The following SLC4A5 variants were observed in gnomAD, a reference collection of about 807,000 sequenced individuals.
SLC4A5 encodes the protein solute carrier family 4 member 5.
Under a neutral mutation model 120.4 loss-of-function variants are expected in SLC4A5, and 96 were observed. The ratio of observed to expected loss-of-function variants is 0.80; its 90% CI spans 0.68 to 0.94. The LOEUF is 0.94. Ranked by LOEUF, SLC4A5 falls within the 40% of genes least tolerant of loss-of-function variation. SLC4A5 has a pLI of 0.00. For synonymous variants in SLC4A5, 550 were observed against 571.1 expected (o/e 0.96, Z 0.53); for missense variants, 1,259 against 1,459.5 (o/e 0.86, Z 2.24).
At chr2:74,262,877 C>T (rs1385417234) in intron 10 of SLC4A5, among the ~76,000 whole-genome samples, 1 of 152,124 alleles carries the variant, frequency 6.6e-6, no homozygotes, top group Non-Finnish European at 1.5e-5. Flanking sequence ...CCTCAGGCGT[C>T]TCATCTGTAA....
chr2:74,265,393 C>T, intron 8 of SLC4A5, 129 bp from the exon 9 acceptor site: 1 of 1,092,450 alleles, frequency 9.2e-7, no homozygotes, highest in South Asian at 1.6e-5. Context: ...GTCCCAGACT[C>T]ACAGGCAGAG....
chr2:74,240,970 C>T (rs1045247527), intron 20 of SLC4A5, among the ~76,000 whole-genome samples: 2 of 152,088 alleles, frequency 1.3e-5, no homozygotes, highest in African/African-American at 4.8e-5. Context: ...GCCACTTAGG[C>T]TGGGATGCTG....
chr2:74,242,440 T>C (rs1055113492), intron 19 of SLC4A5, among the ~76,000 whole-genome samples: 1 of 152,264 alleles, frequency 6.6e-6, no homozygotes, highest in Non-Finnish European at 1.5e-5. Context: ...CCATGCCCTA[T>C]GCCAAGCCTT....
intron 28 of SLC4A5, 119 bp downstream of exon 28, chr2:74,224,721 G>T (rs1694780208): frequency 2.1e-6 from 3 of 1,407,494 alleles, no homozygotes; most frequent in Admixed American, 4.5e-5. Context: ...GCCCATCCTG[G>T]ACTGGGCCGA....
At chr2:74,325,776 C>T (rs534327737) in intron 5 of SLC4A5, among the ~76,000 whole-genome samples, 6 of 151,320 alleles carry the variant, frequency 4.0e-5, no homozygotes, top group African/African-American at 1.5e-4. Flanking sequence ...GATCACAGAA[C>T]CAGCCATGGT....
intron 21 of SLC4A5, among the ~76,000 whole-genome samples, chr2:74,237,652 C>T (rs951069446): frequency 1.3e-5 from 2 of 152,086 alleles, no homozygotes; most frequent in African/African-American, 4.8e-5. Flanking sequence ...GTTAAGATGG[C>T]TTTAGGAGAC....
At chr2:74,286,793 T>G (rs1671998530) in intron 7 of SLC4A5, among the ~76,000 whole-genome samples, 1 of 152,094 alleles carries the variant, frequency 6.6e-6, no homozygotes, top group African/African-American at 2.4e-5. Flanking sequence ...AGCTGTGACT[T>G]GAAAAATGAG....
intron 8 of SLC4A5, among the ~76,000 whole-genome samples, chr2:74,271,655 T>C (rs1671478261): frequency 6.6e-6 from 1 of 151,988 alleles, no homozygotes; most frequent in South Asian, 2.1e-4. Context: ...TGTCCCCTTA[T>C]GGTCTCCTGC....
exon 19 of SLC4A5, chr2:74,247,044 G>A (rs774943369): frequency 6.2e-7 from 1 of 1,613,794 alleles, no homozygotes; most frequent in South Asian, 1.1e-5. Context: ...ACCTGTGTCA[G>A]GGGCGACACA....
At chr2:74,265,529 AT>A (rs1319380832) in intron 8 of SLC4A5, among the ~76,000 whole-genome samples, 4 of 152,238 alleles carry the variant, frequency 2.6e-5, no homozygotes, top group Admixed American at 6.5e-5. Flanking sequence ...ATGTTCTAAA[AT>A]TGGATTATGG....
intron 14 of SLC4A5, 131 bp downstream of exon 14, chr2:74,254,488 A>C: frequency 1.4e-6 from 1 of 708,476 alleles, no homozygotes; most frequent in Non-Finnish European, 2.5e-6. Flanking sequence ...CATAATCTTT[A>C]GCATCCTATG....
intron 8 of SLC4A5, among the ~76,000 whole-genome samples, chr2:74,273,741 G>C (rs981741665): frequency 6.6e-6 from 1 of 152,180 alleles, no homozygotes; most frequent in African/African-American, 2.4e-5. Context: ...CTGAAGACCA[G>C]TATTAATTCA....
intron 13 of SLC4A5, among the ~76,000 whole-genome samples, chr2:74,254,980 C>T (rs1214532499): frequency 2.0e-5 from 3 of 151,664 alleles, no homozygotes; most frequent in East Asian, 2.0e-4. Context: ...CCACCAAGCC[C>T]GGCTAATTTT....
intron 8 of SLC4A5, among the ~76,000 whole-genome samples, chr2:74,276,668 C>T (rs75923443): frequency 6.7e-6 from 1 of 150,162 alleles, no homozygotes; most frequent in Non-Finnish European, 1.5e-5. Flanking sequence ...AAGTGTATAT[C>T]TTCATTACTA....
At chr2:74,341,450 A>G (rs535013943) in intron 2 of SLC4A5, among the ~76,000 whole-genome samples, 2 of 152,230 alleles carry the variant, frequency 1.3e-5, no homozygotes, top group Non-Finnish European at 2.9e-5. Flanking sequence ...CATCTGTTAA[A>G]TAACCTTGTA....
At chr2:74,307,323 C>T (rs1489969158) in intron 6 of SLC4A5, 2 of 571,764 alleles carry the variant, frequency 3.5e-6, no homozygotes, top group East Asian at 4.0e-5. Flanking sequence ...CATGGTCAAC[C>T]CAGAGCTGGT....
At chr2:74,281,929 C>T (rs1671827157) in intron 8 of SLC4A5, among the ~76,000 whole-genome samples, 1 of 152,176 alleles carries the variant, frequency 6.6e-6, no homozygotes, top group Admixed American at 6.5e-5. Flanking sequence ...GGGGCTGTCC[C>T]CTACTCCCTA....
At position 74,255,881 on chromosome 2, in the gene SLC4A5, C is replaced by T. The variant is rs767446317; in HGVS notation, c.919G>A (p.Val307Met). Reference sequence around the variant, plus strand: ...AGGAAGTCCACCTCGCCCACGAGCACGTTGGACGCTTCTGAGTCCTTGGGG... The same window carrying T: ...AGGAAGTCCACCTCGCCCACGAGCATGTTGGACGCTTCTGAGTCCTTGGGG... Residue 307 changes from valine (V) to methionine (M), a missense_variant, in exon 13 of 31, where the codon GTG becomes ATG. Coordinates refer to ENST00000394019, the Ensembl canonical transcript of SLC4A5. The surrounding 1 kb of genome is among the most constrained non-coding windows in gnomAD (Gnocchi z 4.0). 2.0e-5 allele frequency: 33 copies of T among 1,614,048 alleles called. No individual in the cohort carries two copies. The highest frequency in any genetic ancestry group is 2.7e-5 in the Non-Finnish European group (32 of 1,180,040).
At chr2:74,272,303 T>C (rs910582041) in intron 8 of SLC4A5, among the ~76,000 whole-genome samples, 5 of 152,164 alleles carry the variant, frequency 3.3e-5, no homozygotes, top group Admixed American at 3.3e-4. Flanking sequence ...ACTACTTTTG[T>C]ATAAATTTGA....
Sources: allele counts gnomAD v4.1 joint callset (sites outside exome capture counted in the v4.1 genomes callset), GRCh38; gene constraint gnomAD v4.1.1; non-coding constraint Gnocchi (gnomAD v3.1); transcripts MANE v1.5; gene names NCBI Gene and HGNC (gene_info 2026-07-23, HGNC 2026-07-21).